The following MAGI3 variants were observed in gnomAD, a reference collection of about 807,000 sequenced individuals.
MAGI3 encodes the protein membrane associated guanylate kinase, WW and PDZ domain containing 3, also known as membrane-associated guanylate kinase, WW and PDZ domain-containing protein 3.
A neutral mutation model predicts 121.8 loss-of-function variants in MAGI3; 43 were observed. The ratio of observed to expected loss-of-function variants is 0.35; its 90% CI spans 0.28 to 0.46. MAGI3 has a LOEUF of 0.46. MAGI3 is among the 20% of genes least tolerant of loss of function. The pLI is 1.00. For missense variants in MAGI3, 1,547 were observed against 1,797.3 expected, an observed-to-expected ratio of 0.86 and a Z score of 2.52; for synonymous variants, 553 against 639.3, an observed-to-expected ratio of 0.86 and a Z score of 2.04.
intron 1 of MAGI3, among the ~76,000 whole-genome samples, chr1:113,393,092 T>G (rs1650915264): frequency 6.6e-6 from 1 of 152,212 alleles, no homozygotes; most frequent in Admixed American, 6.5e-5. Context: ...ACTGAAGAGA[T>G]GGCTATTTCA....
At chr1:113,602,217 T>TACA in intron 6 of MAGI3, among the ~76,000 whole-genome samples, 1 of 151,934 alleles carries the variant, frequency 6.6e-6, no homozygotes, top group East Asian at 1.9e-4. Context: ...AAACTTAAAG[T>TACA]ATAATAATAA....
At chr1:113,444,093 T>C (rs1043676986) in intron 1 of MAGI3, among the ~76,000 whole-genome samples, 1 of 152,222 alleles carries the variant, frequency 6.6e-6, no homozygotes, top group Admixed American at 6.5e-5. Flanking sequence ...ATTGTGGTTA[T>C]TTTTGGTCAG....
chr1:113,601,602 G>A (rs964548014), intron 6 of MAGI3, among the ~76,000 whole-genome samples: 38 of 149,486 alleles, frequency 2.5e-4, no homozygotes, highest in Non-Finnish European at 4.3e-4. Flanking sequence ...GGAGAAATAG[G>A]ACCACTGTTA....
intron 3 of MAGI3, among the ~76,000 whole-genome samples, chr1:113,581,728 G>A (rs182949393): frequency 6.6e-6 from 1 of 152,180 alleles, no homozygotes; most frequent in Non-Finnish European, 1.5e-5. Context: ...CTCCTATTCA[G>A]AACTTTCAAT....
At chr1:113,621,969 G>A (rs1002670826) in intron 8 of MAGI3, among the ~76,000 whole-genome samples, 1 of 152,066 alleles carries the variant, frequency 6.6e-6, no homozygotes, top group Admixed American at 6.5e-5. Context: ...GGGAGAAATT[G>A]GATAATGACT....
chr1:113,416,043 T>A (rs577256255), intron 1 of MAGI3, among the ~76,000 whole-genome samples: 2 of 106,316 alleles, frequency 1.9e-5, no homozygotes, highest in South Asian at 6.7e-4. Flanking sequence ...ATATTAATTA[T>A]GTAATTAATG....
chr1:113,572,875 A>G (rs1294314377), intron 2 of MAGI3, among the ~76,000 whole-genome samples: 1 of 150,126 alleles, frequency 6.7e-6, no homozygotes, highest in East Asian at 2.0e-4. Flanking sequence ...AGGGTGTTTC[A>G]TGTCTCTATC....
chr1:113,596,346 T>C (rs895550951), intron 6 of MAGI3, among the ~76,000 whole-genome samples: 20 of 152,280 alleles, frequency 1.3e-4, no homozygotes, highest in Non-Finnish European at 2.4e-4. Flanking sequence ...TAATTTCAGA[T>C]GAATCAAAGA....
intron 2 of MAGI3, among the ~76,000 whole-genome samples, chr1:113,560,921 A>G (rs557698204): frequency 3.3e-4 from 51 of 152,352 alleles, no homozygotes; most frequent in African/African-American, 1.2e-3. Context: ...ATCAGAAATG[A>G]TAAGGGGGAA....
intron 6 of MAGI3, among the ~76,000 whole-genome samples, chr1:113,602,829 G>A (rs971961341): frequency 6.6e-6 from 1 of 152,154 alleles, no homozygotes; most frequent in Non-Finnish European, 1.5e-5. Flanking sequence ...CAGAGGCTGA[G>A]GTGGGAGGAT....
At chr1:113,393,469 T>G (rs1178554981) in intron 1 of MAGI3, among the ~76,000 whole-genome samples, 1 of 152,220 alleles carries the variant, frequency 6.6e-6, no homozygotes, top group East Asian at 1.9e-4. Flanking sequence ...CTAAGCAGGT[T>G]GTAATTTAAA....
At chr1:113,580,518 A>C in intron 2 of MAGI3, 24 bp from the exon 3 acceptor site, 1 of 1,574,396 alleles carries the variant, frequency 6.4e-7, no homozygotes, top group Non-Finnish European at 8.6e-7. Context: ...TTTACAACCT[A>C]CTTTTTTTTT....
intron 19 of MAGI3, among the ~76,000 whole-genome samples, chr1:113,674,868 A>G (rs1020023275): frequency 1.3e-5 from 2 of 152,246 alleles, no homozygotes; most frequent in African/African-American, 2.4e-5. Context: ...AATAGAGAAG[A>G]TTTCACAGAA....
intron 1 of MAGI3, among the ~76,000 whole-genome samples, chr1:113,415,448 A>G (rs191785701): frequency 5.3e-4 from 80 of 152,152 alleles, no homozygotes; most frequent in African/African-American, 1.8e-3. Context: ...TTGAGAATGA[A>G]TAGTTTCTCC....
chr1:113,509,941 C>G (rs1206298033), intron 1 of MAGI3, among the ~76,000 whole-genome samples: 2 of 151,622 alleles, frequency 1.3e-5, no homozygotes, highest in Non-Finnish European at 2.9e-5. Flanking sequence ...CTCCAGGGCC[C>G]AGCCTCCCAG....
chr1:113,593,464 GC>G (rs1255627493), intron 5 of MAGI3, among the ~76,000 whole-genome samples: 1 of 152,056 alleles, frequency 6.6e-6, no homozygotes, highest in Non-Finnish European at 1.5e-5. Context: ...GATCACTTGA[GC>G]CTAGGAAGTC....
chr1:113,645,331 G>T (rs1316212881), intron 11 of MAGI3, among the ~76,000 whole-genome samples: 1 of 152,078 alleles, frequency 6.6e-6, no homozygotes, highest in Admixed American at 6.6e-5. Context: ...GCCAGCTTCT[G>T]CCCTTTTCAT....
intron 1 of MAGI3, among the ~76,000 whole-genome samples, chr1:113,506,422 T>C (rs1403419451): frequency 6.6e-6 from 1 of 152,084 alleles, no homozygotes. Context: ...TCCCTTTTTT[T>C]TTTTTTGCTA....
intron 1 of MAGI3, among the ~76,000 whole-genome samples, chr1:113,509,518 C>T (rs964006519): frequency 1.6e-5 from 2 of 128,708 alleles, no homozygotes; most frequent in East Asian, 2.2e-4. Context: ...TTTACACAAA[C>T]AAAAAAGGAA....
Sources: gnomAD v4.1 joint callset for allele counts (sites outside exome capture counted in the v4.1 genomes callset) on GRCh38, gnomAD v4.1.1 for gene constraint, MANE v1.5 for transcripts, NCBI Gene and HGNC (gene_info 2026-07-23, HGNC 2026-07-21) for gene names.